Variants in ST8SIA5 observed in about 807,000 individuals in gnomAD.
ST8SIA5 encodes the protein ST8 alpha-N-acetyl-neuraminide alpha-2,8-sialyltransferase 5.
ST8SIA5 carries 24 observed loss-of-function variants against 40.2 expected under a neutral mutation model. The observed-to-expected ratio is 0.60, with a 90% CI of 0.43 to 0.84. ST8SIA5 has a LOEUF of 0.84. ST8SIA5 is among the 40% of genes least tolerant of loss of function. The probability of loss-of-function intolerance (pLI) is 0.00; values close to 1 mark genes in which losing one functional copy is unlikely to be tolerated. For missense variants in ST8SIA5, 465 were observed against 498.5 expected (o/e 0.93, Z 0.64); for synonymous variants, 198 against 201.8 (o/e 0.98, Z 0.16).
intron 1 of ST8SIA5, among the ~76,000 whole-genome samples, chr18:46,715,260 G>A (rs1056599886): frequency 1.3e-5 from 2 of 152,242 alleles, no homozygotes; most frequent in African/African-American, 4.8e-5. Flanking sequence ...ACAGGAGTGT[G>A]CTTCCTCCGC....
In ST8SIA5 at chr18:46,683,580, G is replaced by A. The variant is rs115107748; in HGVS notation, c.570-1516C>T. ...GGACGGTGGGCCATGTGAAGAATGC[G>A]GTCTTTCGTCAAGGGGAAGCCATGG... is the stretch of plus-strand genomic sequence containing the variant. On this transcript the variant is annotated intron_variant, in intron 5 of 6. Coordinates refer to ENST00000315087, the MANE Select transcript of ST8SIA5 (RefSeq NM_013305.6). Among the ~76,000 whole-genome samples, 664 of 152,044 alleles carry A rather than the reference G, an allele frequency of 4.4e-3. 4 individuals carry two copies. Among genetic ancestry groups the A allele is most frequent in the African/African-American group, 0.015 (637 of 41,460 alleles).
rs898452796 is a variant in ST8SIA5 at position 46,737,776 on chromosome 18, AT to A, written c.131+18601del. Among the ~76,000 whole-genome samples, 555 of 147,334 alleles carry A rather than the reference AT, an allele frequency of 3.8e-3. 2 individuals carry two copies. Among genetic ancestry groups the A allele is most frequent in the African/African-American group, 0.011 (459 of 40,384 alleles). ...ATCCCTTAGTGAATGTTAATAATTA[AT>A]TTTTTTTTTTTGAGACAGAGTCTCA... On this transcript the variant is annotated intron_variant, in intron 1 of 6. Coordinates refer to ENST00000315087, the MANE Select transcript of ST8SIA5 (RefSeq NM_013305.6).
rs997945381 is a variant in ST8SIA5 at position 46,679,632 on chromosome 18, T to G, written c.*410A>C. 6.4e-5 allele frequency: 15 copies of G among 235,228 alleles called. No homozygotes were observed. The highest frequency in any genetic ancestry group is 1.3e-4 in the Non-Finnish European group (15 of 119,924). The allele number at this position is 235,228 out of a possible 1,614,324, so 14.6% of individuals were successfully genotyped here. A position where few individuals can be genotyped will look rare whatever the true frequency, so the allele number is the denominator to read the frequency against. Reference sequence around the variant, plus strand: ...CAAGTGTCCTGTGAAGTGTCCTGTCTCCACTCTCAATTCCATTCTCTGTAG... The same window carrying G: ...CAAGTGTCCTGTGAAGTGTCCTGTCGCCACTCTCAATTCCATTCTCTGTAG... On this transcript the variant is annotated 3_prime_UTR_variant, in exon 7 of 7. Transcript: ENST00000315087.
chr18:46,717,082 C>T (rs955528793), intron 1 of ST8SIA5, among the ~76,000 whole-genome samples: 2 of 152,240 alleles, frequency 1.3e-5, no homozygotes, highest in Non-Finnish European at 2.9e-5. Context: ...TGAGGCAATG[C>T]ATGCAACACT....
intron 1 of ST8SIA5, among the ~76,000 whole-genome samples, chr18:46,742,104 AAT>A (rs2040091992): frequency 1.3e-5 from 2 of 151,392 alleles, no homozygotes; most frequent in African/African-American, 2.4e-5. Flanking sequence ...CCATGTAAAA[AAT>A]AAATAAATAA....
intron 2 of ST8SIA5, among the ~76,000 whole-genome samples, chr18:46,695,875 A>G (rs905921643): frequency 6.6e-6 from 1 of 152,268 alleles, no homozygotes; most frequent in Non-Finnish European, 1.5e-5. Flanking sequence ...GGCAGGAACT[A>G]GAAATACAGT....
At chr18:46,718,563 T>C (rs2039818302) in intron 1 of ST8SIA5, among the ~76,000 whole-genome samples, 1 of 152,082 alleles carries the variant, frequency 6.6e-6, no homozygotes, top group Non-Finnish European at 1.5e-5. Context: ...TGAATTTGCT[T>C]TGTAGTGCTG....
chr18:46,748,117 T>C (rs1315436240), intron 1 of ST8SIA5, among the ~76,000 whole-genome samples: 1 of 152,052 alleles, frequency 6.6e-6, no homozygotes, highest in Non-Finnish European at 1.5e-5. Flanking sequence ...AAATATCTAA[T>C]GTAAATAATG....
rs563675362 is a variant in ST8SIA5, at chr18:46,752,275, G to A, written c.131+4103C>T. On this transcript the variant is annotated intron_variant, in intron 1 of 6. Coordinates refer to ENST00000315087, the MANE Select transcript of ST8SIA5 (RefSeq NM_013305.6). ...CTCCTCCTTGTTTTTAGAGTCCCTC[G>A]TCCATTCCTCTAGGCGTGCCTTTCT... Among the ~76,000 whole-genome samples, 12 of 152,064 alleles carry A rather than the reference G, an allele frequency of 7.9e-5. No homozygotes were observed. The East Asian group carries it at 1.6e-3, about 20-fold the overall frequency.
chr18:46,724,912 T>C (rs923621073), intron 1 of ST8SIA5, among the ~76,000 whole-genome samples: 1 of 150,106 alleles, frequency 6.7e-6, no homozygotes, highest in South Asian at 2.1e-4. Context: ...GAGGCAGAGA[T>C]TGCAGTGAGG....
chr18:46,704,420 C>T, intron 2 of ST8SIA5, 152 bp downstream of exon 2: 3 of 690,156 alleles, frequency 4.3e-6, no homozygotes, highest in African/African-American at 3.6e-5. Flanking sequence ...TTCCGAATGC[C>T]AGTGGCTCTG....
intron 1 of ST8SIA5, among the ~76,000 whole-genome samples, chr18:46,738,079 A>ATAT (rs2040052530): frequency 6.6e-6 from 1 of 152,058 alleles, no homozygotes; most frequent in Non-Finnish European, 1.5e-5. Flanking sequence ...CCAATAGTTA[A>ATAT]TATTATTACC....
At chr18:46,732,166 T>C (rs1039603423) in intron 1 of ST8SIA5, among the ~76,000 whole-genome samples, 2 of 152,258 alleles carry the variant, frequency 1.3e-5, no homozygotes, top group African/African-American at 4.8e-5. Flanking sequence ...CGCTGTAGGC[T>C]GCAGACCACC....
At chr18:46,711,533 C>T (rs990225063) in intron 1 of ST8SIA5, among the ~76,000 whole-genome samples, 1 of 152,166 alleles carries the variant, frequency 6.6e-6, no homozygotes, top group Non-Finnish European at 1.5e-5. Context: ...GGGGTTTTCT[C>T]AGTCAGCAGC....
chr18:46,729,733 A>G (rs2039967851), intron 1 of ST8SIA5, among the ~76,000 whole-genome samples: 1 of 152,252 alleles, frequency 6.6e-6, no homozygotes, highest in Non-Finnish European at 1.5e-5. Context: ...AGACTCCAAA[A>G]GAATGACAGT....
intron 1 of ST8SIA5, among the ~76,000 whole-genome samples, chr18:46,708,707 G>A (rs2144506606): frequency 6.6e-6 from 1 of 152,270 alleles, no homozygotes; most frequent in Middle Eastern, 3.4e-3. Context: ...TGCCTCACCA[G>A]TTCCTTTCCA....
chr18:46,742,429 A>AAC (rs33969146), intron 1 of ST8SIA5, among the ~76,000 whole-genome samples: 1,295 of 15,130 alleles, frequency 0.086, 16 homozygotes, highest in African/African-American at 0.15. Flanking sequence ...AATCAACAAC[A>AAC]AAAAAAAAAT....
chr18:46,736,809 G>A (rs941237212), intron 1 of ST8SIA5, among the ~76,000 whole-genome samples: 5 of 151,886 alleles, frequency 3.3e-5, no homozygotes, highest in Admixed American at 1.3e-4. Context: ...GACACCCCCC[G>A]CTGACCCAGT....
chr18:46,736,029 A>AT (rs958711534), intron 1 of ST8SIA5, among the ~76,000 whole-genome samples: 15 of 152,178 alleles, frequency 9.9e-5, no homozygotes, highest in South Asian at 8.3e-4. Context: ...TCTCAAAAAG[A>AT]TTTTTTTAAA....
Sources: gnomAD v4.1 joint callset for allele counts (sites outside exome capture counted in the v4.1 genomes callset) on GRCh38, gnomAD v4.1.1 for gene constraint, MANE v1.5 for transcripts, NCBI Gene and HGNC (gene_info 2026-07-23, HGNC 2026-07-21) for gene names.